The following CDYL2 variants were observed in gnomAD, a reference collection of about 807,000 sequenced individuals.
The protein encoded by CDYL2 is chromodomain Y-like protein 2.
In CDYL2, 23 loss-of-function variants were observed where a neutral mutation model predicts 49.4. The observed-to-expected ratio is 0.47, with a 90% CI of 0.34 to 0.66. CDYL2 has a LOEUF of 0.66. CDYL2 is among the 30% of genes least tolerant of loss of function. CDYL2 has a pLI of 0.01. For missense variants in CDYL2, 678 were observed against 656.4 expected, an observed-to-expected ratio of 1.03 and a Z score of -0.36; for synonymous variants, 360 against 268.8, an observed-to-expected ratio of 1.34 and a Z score of -3.32.
At chr16:80,616,473 G>C (rs1250813589) in intron 4 of CDYL2, among the ~76,000 whole-genome samples, 1 of 152,144 alleles carries the variant, frequency 6.6e-6, no homozygotes, top group Non-Finnish European at 1.5e-5. Flanking sequence ...CTGCTCACAG[G>C]AGTGCCTCAA....
At chr16:80,711,443 C>A (rs1451284383) in intron 1 of CDYL2, among the ~76,000 whole-genome samples, 3 of 152,172 alleles carry the variant, frequency 2.0e-5, no homozygotes, top group Non-Finnish European at 4.4e-5. Context: ...GAGTGCTTAA[C>A]AGAGCGTCCT....
chr16:80,598,571 A>G lies in CDYL2; in HGVS notation c.*5817T>C, dbSNP rs1905939748. The G allele has an allele frequency of 6.6e-6, 1 of 152,220 alleles. No homozygotes were observed. The highest frequency in any genetic ancestry group is 1.5e-5 in the Non-Finnish European group (1 of 68,044). 9.4% of individuals were successfully genotyped at this position (152,220 alleles called of 1,614,324 possible). The stretch of plus-strand genomic sequence containing the variant: ...CAGGATCCTACTGTTCAGTATAGAC[A>G]TGTCTGAAAAATTCTTACCCTGGAG... On this transcript the variant is annotated 3_prime_UTR_variant, in exon 7 of 7. Transcript: ENST00000570137.
chr16:80,692,673 A>G (rs1481556436), intron 1 of CDYL2, among the ~76,000 whole-genome samples: 18 of 152,242 alleles, frequency 1.2e-4, no homozygotes, highest in Admixed American at 1.2e-3. Flanking sequence ...ACTTGCATAT[A>G]TAATGTGAAA....
At chr16:80,695,827 C>G (rs1428491833) in intron 1 of CDYL2, among the ~76,000 whole-genome samples, 1 of 152,114 alleles carries the variant, frequency 6.6e-6, no homozygotes, top group East Asian at 1.9e-4. Context: ...ACACACCACT[C>G]TCAGCACGAG....
intron 1 of CDYL2, among the ~76,000 whole-genome samples, chr16:80,781,947 GA>G (rs1039942063): frequency 1.4e-5 from 2 of 146,234 alleles, no homozygotes; most frequent in Non-Finnish European, 3.0e-5. Flanking sequence ...CATTAAAAAA[GA>G]AAAAAAAAGA....
chr16:80,743,068 C>T (rs1307833813), intron 1 of CDYL2, among the ~76,000 whole-genome samples: 4 of 151,960 alleles, frequency 2.6e-5, no homozygotes, highest in East Asian at 1.9e-4. Flanking sequence ...AGGGATGGAC[C>T]GACGGACGGA....
chr16:80,729,047 C>T lies in CDYL2; in HGVS notation c.25-43918G>A, dbSNP rs574172164. Among the ~76,000 whole-genome samples the T allele has an allele frequency of 3.0e-4, 45 of 151,704 alleles. 1 individual carries two copies. Among genetic ancestry groups the T allele is most frequent in the Admixed American group, 2.5e-3 (38 of 15,254 alleles). On this transcript the variant is annotated intron_variant, in intron 1 of 6. Coordinates refer to ENST00000570137, the MANE Select transcript of CDYL2 (RefSeq NM_152342.4). ...ACTAGGAAGAAACTGCATCAACTAA[C>T]GAGAAAATAACCAGCTAACATCATA...
At chr16:80,714,482 C>T (rs1466650402) in intron 1 of CDYL2, among the ~76,000 whole-genome samples, 6 of 152,064 alleles carry the variant, frequency 3.9e-5, no homozygotes, top group East Asian at 3.9e-4. Context: ...TAAAAATAAA[C>T]GGGAAAAATA....
intron 1 of CDYL2, among the ~76,000 whole-genome samples, chr16:80,790,605 T>C (rs115448228): frequency 0.015 from 2,305 of 152,340 alleles, 48 homozygotes; most frequent in African/African-American, 0.049. Flanking sequence ...AATGTAAATA[T>C]CAAGACATTC....
chr16:80,617,972 G>GACTCT (rs1906906096), intron 4 of CDYL2, among the ~76,000 whole-genome samples: 1 of 152,126 alleles, frequency 6.6e-6, no homozygotes, highest in Admixed American at 6.5e-5. Context: ...GTCCCCTGGG[G>GACTCT]GTGTTGCCAA....
At chr16:80,799,756 C>T (rs1056860847) in intron 1 of CDYL2, among the ~76,000 whole-genome samples, 9 of 152,284 alleles carry the variant, frequency 5.9e-5, no homozygotes, top group Admixed American at 4.6e-4. Context: ...GATGCCTGCC[C>T]AGAGGGAATA....
In CDYL2 at chr16:80,762,237, C is replaced by T. The variant is rs140111248; in HGVS notation, c.24+41913G>A. 1.7e-3 allele frequency among the ~76,000 whole-genome samples: 259 copies of T among 152,152 alleles called. 3 individuals are homozygous for T. Among genetic ancestry groups the T allele is most frequent in the East Asian group, 0.011 (56 of 5,180 alleles). On this transcript the variant is annotated intron_variant, in intron 1 of 6. Coordinates refer to ENST00000570137, the MANE Select transcript of CDYL2 (RefSeq NM_152342.4). The stretch of plus-strand genomic sequence containing the variant: ...AAAGGCTACATCTATTGTCCAGAAG[C>T]GCTAGGAATAAAGTTCAAATGAACT...
At chr16:80,725,379 T>C (rs545521869) in intron 1 of CDYL2, among the ~76,000 whole-genome samples, 4 of 152,278 alleles carry the variant, frequency 2.6e-5, no homozygotes, top group African/African-American at 9.6e-5. Context: ...CAACAGTAAT[T>C]AGCGATTTGT....
intron 2 of CDYL2, among the ~76,000 whole-genome samples, chr16:80,676,615 C>G (rs573237481): frequency 6.6e-6 from 1 of 152,190 alleles, no homozygotes; most frequent in African/African-American, 2.4e-5. Flanking sequence ...GTTTCTGAAA[C>G]AGTCGTAGTT....
chr16:80,682,513 G>C (rs1910007484), intron 2 of CDYL2, among the ~76,000 whole-genome samples: 1 of 152,188 alleles, frequency 6.6e-6, no homozygotes, highest in Admixed American at 6.5e-5. Flanking sequence ...CACAGCACAA[G>C]AGGCACACCC....
chr16:80,759,181 G>GTATA (rs370401562), intron 1 of CDYL2, among the ~76,000 whole-genome samples: 16 of 118,662 alleles, frequency 1.3e-4, no homozygotes, highest in East Asian at 9.8e-4. Context: ...TATATGGTGT[G>GTATA]TATATATATA....
chr16:80,712,111 GTATATATGTGTA>G lies in CDYL2; in HGVS notation c.25-26994_25-26983del, dbSNP rs1466845433. 2.6e-3 allele frequency among the ~76,000 whole-genome samples: 380 copies of G among 144,656 alleles called. 1 individual carries two copies. Among genetic ancestry groups the G allele is most frequent in the African/African-American group, 9.1e-3 (346 of 38,004 alleles). 94.9% of individuals were successfully genotyped at this position (144,656 alleles called of 152,430 possible). A position where few individuals can be genotyped will look rare whatever the true frequency, so the allele number is the denominator to read the frequency against. ...TGTGTATATATATGTGTATATATGT[GTATATATGTGTA>G]TATATATGTGTGTACATATATGTGT... On this transcript the variant is annotated intron_variant, in intron 1 of 6. Transcript: ENST00000570137.
At chr16:80,640,579 G>C (rs940532500) in intron 2 of CDYL2, among the ~76,000 whole-genome samples, 1 of 152,042 alleles carries the variant, frequency 6.6e-6, no homozygotes, top group African/African-American at 2.4e-5. Context: ...AGATCATCCA[G>C]GAAAACATGA....
intron 1 of CDYL2, among the ~76,000 whole-genome samples, chr16:80,721,304 C>G (rs921611628): frequency 6.6e-6 from 1 of 152,150 alleles, no homozygotes. Flanking sequence ...CCATTTGATA[C>G]CTAAGAAAAC....
Sources: gnomAD v4.1 joint callset for allele counts (sites outside exome capture counted in the v4.1 genomes callset) on GRCh38, gnomAD v4.1.1 for gene constraint, MANE v1.5 for transcripts, NCBI Gene and HGNC (gene_info 2026-07-23, HGNC 2026-07-21) for gene names.